Variants in PPARGC1A observed in about 807,000 individuals in gnomAD.
PPARGC1A encodes the protein PPARG coactivator 1 alpha, also known as peroxisome proliferator-activated receptor gamma coactivator 1-alpha.
Under a neutral mutation model 88.7 loss-of-function variants are expected in PPARGC1A, and 25 were observed. The observed-to-expected ratio is 0.28, with a 90% CI of 0.21 to 0.39. The LOEUF is 0.39. Ranked by LOEUF, PPARGC1A falls within the 10% of genes least tolerant of loss-of-function variation. The pLI, the probability that PPARGC1A is intolerant of heterozygous loss-of-function variation, is 1.00. For synonymous variants in PPARGC1A, 363 were observed against 355.6 expected, an observed-to-expected ratio of 1.02 and a Z score of -0.24; for missense variants, 880 against 968.7, an observed-to-expected ratio of 0.91 and a Z score of 1.22.
the PPARGC1A span, among the ~76,000 whole-genome samples, chr4:24,353,935 C>T: frequency 6.6e-6 from 1 of 152,140 alleles, no homozygotes; most frequent in Non-Finnish European, 1.5e-5. Flanking sequence ...TGCTCTTGCC[C>T]CTGGAACAAA....
chr4:24,418,927 A>G, the PPARGC1A span, among the ~76,000 whole-genome samples: 2 of 152,126 alleles, frequency 1.3e-5, no homozygotes, highest in African/African-American at 4.8e-5. Flanking sequence ...TTATTTTCAG[A>G]GTAACTTGTG....
chr4:24,220,435 C>A, the PPARGC1A span, among the ~76,000 whole-genome samples: 1 of 152,198 alleles, frequency 6.6e-6, no homozygotes, highest in South Asian at 2.1e-4. Context: ...ATGTTTATTG[C>A]AGCACTATTC....
At chr4:24,138,170 G>C in the PPARGC1A span, among the ~76,000 whole-genome samples, 2 of 152,180 alleles carry the variant, frequency 1.3e-5, no homozygotes, top group Non-Finnish European at 2.9e-5. Flanking sequence ...CAAACACACT[G>C]CCAGGTTTGC....
At chr4:24,409,104 T>C in the PPARGC1A span, among the ~76,000 whole-genome samples, 2 of 152,200 alleles carry the variant, frequency 1.3e-5, no homozygotes, top group Non-Finnish European at 2.9e-5. Context: ...TCTATAATCT[T>C]GAATATTTTT....
chr4:24,447,395 C>T, the PPARGC1A span, among the ~76,000 whole-genome samples: 11 of 152,088 alleles, frequency 7.2e-5, no homozygotes, highest in Non-Finnish European at 1.0e-4. Context: ...AGCTGAGGAG[C>T]CCAGGGATGC....
chr4:23,793,132 A>G lies in PPARGC1A; in HGVS notation c.*2690T>C, dbSNP rs1019041841. 4 of 152,724 alleles carry G rather than the reference A, an allele frequency of 2.6e-5. No homozygotes were observed. In the South Asian group the frequency reaches 8.3e-4, roughly 32 times the overall value. 9.5% of individuals were successfully genotyped at this position (152,724 alleles called of 1,614,324 possible). On this transcript the variant is annotated 3_prime_UTR_variant, in exon 13 of 13. Coordinates refer to ENST00000264867, the MANE Select transcript of PPARGC1A (RefSeq NM_013261.5). Reference sequence around the variant, plus strand: ...GGTCCTTGAACACATAATAGGATTTACTAAATCTCGATTTCTTAAAAATAA... The same window carrying G: ...GGTCCTTGAACACATAATAGGATTTGCTAAATCTCGATTTCTTAAAAATAA...
At chr4:23,912,292 C>T in the PPARGC1A span, among the ~76,000 whole-genome samples, 1 of 152,236 alleles carries the variant, frequency 6.6e-6, no homozygotes, top group Admixed American at 6.5e-5. Context: ...GCTCACAGCT[C>T]TATGGCCTAA....
chr4:24,007,417 G>A, the PPARGC1A span, among the ~76,000 whole-genome samples: 1 of 152,106 alleles, frequency 6.6e-6, no homozygotes, highest in Non-Finnish European at 1.5e-5. Context: ...TATATTGATT[G>A]AACAGCACAA....
intron 7 of PPARGC1A, among the ~76,000 whole-genome samples, chr4:23,821,696 T>G (rs1420972959): frequency 1.3e-5 from 2 of 152,052 alleles, no homozygotes. Context: ...GCACTCATAT[T>G]TTATCTCATT....
chr4:24,090,818 C>A, the PPARGC1A span, among the ~76,000 whole-genome samples: 1 of 152,304 alleles, frequency 6.6e-6, no homozygotes, highest in East Asian at 1.9e-4. Context: ...GAAGGGATTT[C>A]AGCTGGCAGC....
At chr4:24,199,883 C>A in the PPARGC1A span, among the ~76,000 whole-genome samples, 21 of 152,202 alleles carry the variant, frequency 1.4e-4, no homozygotes, top group Middle Eastern at 3.4e-3. Flanking sequence ...CCAAGAGGAA[C>A]ACTGTTATCA....
the PPARGC1A span, among the ~76,000 whole-genome samples, chr4:24,327,443 G>C: frequency 6.6e-6 from 1 of 152,120 alleles, no homozygotes; most frequent in Non-Finnish European, 1.5e-5. Flanking sequence ...TTGCTGGCAG[G>C]ACTATGCTGA....
chr4:23,824,161 A>T, intron 7 of PPARGC1A, 119 bp downstream of exon 7: 1 of 819,360 alleles, frequency 1.2e-6, no homozygotes. Context: ...CTTCTTATCC[A>T]ATTTTGTATT....
the PPARGC1A span, among the ~76,000 whole-genome samples, chr4:23,930,208 G>T: frequency 6.6e-6 from 1 of 152,226 alleles, no homozygotes; most frequent in South Asian, 2.1e-4. Flanking sequence ...ACTACCCATG[G>T]CTTCAAGCAG....
chr4:24,170,974 G>A, the PPARGC1A span, among the ~76,000 whole-genome samples: 1 of 152,164 alleles, frequency 6.6e-6, no homozygotes, highest in African/African-American at 2.4e-5. Context: ...TGTCACGCAT[G>A]CTCCTGCCTC....
chr4:24,181,748 A>G, the PPARGC1A span, among the ~76,000 whole-genome samples: 5 of 152,216 alleles, frequency 3.3e-5, no homozygotes, highest in Non-Finnish European at 7.3e-5. Context: ...ACTTAATTTA[A>G]CAAGAATAAA....
chr4:24,384,940 A>G, the PPARGC1A span, among the ~76,000 whole-genome samples: 1 of 152,244 alleles, frequency 6.6e-6, no homozygotes, highest in Non-Finnish European at 1.5e-5. Flanking sequence ...CAGAATATAC[A>G]TTCTTCTCAG....
chr4:24,151,189 G>T, the PPARGC1A span, among the ~76,000 whole-genome samples: 1 of 152,176 alleles, frequency 6.6e-6, no homozygotes, highest in African/African-American at 2.4e-5. Flanking sequence ...CAAAAACTGG[G>T]TACCTAGTGT....
chr4:24,200,655 C>CAAAAAAAAAAAAA, the PPARGC1A span, among the ~76,000 whole-genome samples: 661 of 88,292 alleles, frequency 7.5e-3, 125 homozygotes, highest in Middle Eastern at 0.015. Flanking sequence ...ATTTATTAAG[C>CAAAAAAAAAAAAA]AAAAAAAAAA....
Sources: gnomAD v4.1 joint callset for allele counts (sites outside exome capture counted in the v4.1 genomes callset) on GRCh38, gnomAD v4.1.1 for gene constraint, MANE v1.5 for transcripts, NCBI Gene and HGNC (gene_info 2026-07-23, HGNC 2026-07-21) for gene names.